The following PITPNM2 variants were observed in gnomAD, a reference collection of about 807,000 sequenced individuals.
PITPNM2 encodes membrane-associated phosphatidylinositol transfer protein 2.
A neutral mutation model predicts 132.2 loss-of-function variants in PITPNM2; 35 were observed. That is an observed-to-expected ratio of 0.26 (90% CI 0.20 to 0.35). The LOEUF is 0.35. Ranked by LOEUF, PITPNM2 falls within the 10% of genes least tolerant of loss-of-function variation. The pLI is 1.00. For synonymous variants in PITPNM2, 738 were observed against 799.2 expected (o/e 0.92, Z 1.29); for missense variants, 1,332 against 1,912.0 (o/e 0.70, Z 5.66).
rs1205898507 is a variant in PITPNM2 at position 123,097,045 on chromosome 12, T to A, written c.-96+13340A>T. Among the ~76,000 whole-genome samples the A allele has an allele frequency of 6.6e-6, 1 of 151,724 alleles. No individual in the cohort carries two copies. The highest frequency in any genetic ancestry group is 2.4e-5 in the African/African-American group (1 of 41,090). ...TTATTATTTATTTATTTATTTATTTTTAATTTATTTTTTTGGTATGGAGTC... is the reference window on the plus strand; with the variant it reads ...TTATTATTTATTTATTTATTTATTTATAATTTATTTTTTTGGTATGGAGTC... On this transcript the variant is annotated intron_variant, in intron 2 of 25. Transcript: ENST00000320201. This position sits in a 1 kb window ranked among gnomAD's most constrained non-coding sequence, Gnocchi z 4.7.
At chr12:123,010,790 T>A (rs1299503557) in intron 5 of PITPNM2, 1 of 154,910 alleles carries the variant, frequency 6.5e-6, no homozygotes, top group Admixed American at 6.5e-5. Flanking sequence ...GATCTGAGGC[T>A]GAGAGGGATG....
intron 2 of PITPNM2, among the ~76,000 whole-genome samples, chr12:123,080,528 C>T (rs908433587): frequency 1.3e-5 from 2 of 152,264 alleles, no homozygotes; most frequent in Non-Finnish European, 2.9e-5. Flanking sequence ...AAGCAATGCT[C>T]CCCATGGGTG....
chr12:123,130,429 C>T (rs1226075109), intron 1 of PITPNM2, among the ~76,000 whole-genome samples: 1 of 152,062 alleles, frequency 6.6e-6, no homozygotes, highest in Non-Finnish European at 1.5e-5. Context: ...GTCATTTGCC[C>T]AAGGCCACCG....
chr12:123,115,370 G>C (rs906040628), intron 1 of PITPNM2, among the ~76,000 whole-genome samples: 6 of 152,170 alleles, frequency 3.9e-5, no homozygotes, highest in African/African-American at 1.4e-4. Flanking sequence ...AGCATTTGCA[G>C]GGCCATTAAA....
intron 13 of PITPNM2, 36 bp from the exon 14 acceptor site, chr12:122,995,696 C>A: frequency 6.5e-7 from 1 of 1,541,672 alleles, no homozygotes; most frequent in Non-Finnish European, 8.7e-7. Flanking sequence ...TGCCAGGTGG[C>A]CGCTGGCCTG....
chr12:123,136,166 G>A (rs1047627432), intron 1 of PITPNM2, among the ~76,000 whole-genome samples: 4 of 151,976 alleles, frequency 2.6e-5, no homozygotes, highest in Admixed American at 6.6e-5. Context: ...GCCAGGTGTG[G>A]TGGCAGTTAC....
Position 123,007,761 on chromosome 12 carries a change from C to G in PITPNM2, c.643+2089G>C, listed in dbSNP as rs546238397. 3.3e-5 allele frequency among the ~76,000 whole-genome samples: 5 copies of G among 152,258 alleles called. No homozygotes were observed. The East Asian group carries it at 9.7e-4, about 29-fold the overall frequency. On this transcript the variant is annotated intron_variant, in intron 6 of 25. Transcript: ENST00000320201. ...GGAAGGGCCGCATCCCTTGCTCTAC[C>G]CTATATAGGGAAATGCCTCCTCCTG...
chr12:123,007,533 G>C (rs953690241), intron 6 of PITPNM2: 4 of 371,290 alleles, frequency 1.1e-5, no homozygotes, highest in Non-Finnish European at 1.6e-5. Flanking sequence ...GGTCTCCTGT[G>C]TACCCTCTTT....
At chr12:123,114,409 C>T (rs576401883) in intron 1 of PITPNM2, among the ~76,000 whole-genome samples, 19 of 151,068 alleles carry the variant, frequency 1.3e-4, no homozygotes, top group African/African-American at 4.4e-4. Context: ...CCAGAGACCG[C>T]CTATACATAT....
intron 1 of PITPNM2, among the ~76,000 whole-genome samples, chr12:123,113,403 T>C (rs778009119): frequency 8.5e-5 from 13 of 152,166 alleles, no homozygotes; most frequent in Non-Finnish European, 1.6e-4. Flanking sequence ...TCACACACCA[T>C]AAAACCCGCC....
intron 3 of PITPNM2, among the ~76,000 whole-genome samples, 192 bp from the exon 4 acceptor site, chr12:123,014,234 C>T (rs1463842543): frequency 1.3e-5 from 2 of 152,234 alleles, no homozygotes; most frequent in South Asian, 2.1e-4. Flanking sequence ...GAAGGGGCCA[C>T]AGACTCCCTC....
chr12:123,092,822 T>C (rs1452215145), intron 2 of PITPNM2: 1 of 152,232 alleles, frequency 6.6e-6, no homozygotes. Flanking sequence ...AGGAAGGACA[T>C]TGCCTCCCTA....
intron 5 of PITPNM2, among the ~76,000 whole-genome samples, chr12:123,011,795 A>AG (rs901899490): frequency 1.3e-5 from 2 of 152,192 alleles, no homozygotes; most frequent in African/African-American, 4.8e-5. Context: ...AGTCTTCCCC[A>AG]GGGGGAAGAA....
In PITPNM2 at chr12:123,082,952, T is replaced by A. The variant is rs2042008129; in HGVS notation, c.-96+27433A>T. 1 of 152,312 alleles carries A rather than the reference T, an allele frequency of 6.6e-6. No individual in the cohort carries two copies. The highest frequency in any genetic ancestry group is 1.5e-5 in the Non-Finnish European group (1 of 68,084). The allele number at this position is 152,312 out of a possible 1,614,324, so 9.4% of individuals were successfully genotyped here. ...TGACAACTCTAGGGACCTCATCATATAATCATGGTAAGTGGAATCATACAG... is the reference window on the plus strand; with the variant it reads ...TGACAACTCTAGGGACCTCATCATAAAATCATGGTAAGTGGAATCATACAG... On this transcript the variant is annotated intron_variant, in intron 2 of 25. Coordinates refer to ENST00000320201, the MANE Select transcript of PITPNM2 (RefSeq NM_020845.3). The surrounding 1 kb of genome is among the most constrained non-coding windows in gnomAD (Gnocchi z 5.4).
intron 1 of PITPNM2, among the ~76,000 whole-genome samples, chr12:123,141,472 T>G (rs1222116721): frequency 6.6e-6 from 1 of 151,904 alleles, no homozygotes; most frequent in East Asian, 1.9e-4. Flanking sequence ...CAAACACAAA[T>G]AGCTAAGATC....
rs1358610299 is a variant in PITPNM2, at chr12:123,117,781, G to A, written c.-199-7293C>T. ...CAATATCTCACTATGACAGACTCTG[G>A]CATGGTCCAATTTCCTCTCCCTAAA... On this transcript the variant is annotated intron_variant, in intron 1 of 25. Transcript: ENST00000320201. This position sits in a 1 kb window ranked among gnomAD's most constrained non-coding sequence, Gnocchi z 4.7. Among the ~76,000 whole-genome samples the A allele has an allele frequency of 6.6e-6, 1 of 152,128 alleles. No homozygotes were observed. Among genetic ancestry groups the A allele is most frequent in the African/African-American group, 2.4e-5 (1 of 41,418 alleles).
In PITPNM2 at chr12:122,993,365, G is replaced by A. The variant is rs1177459730; in HGVS notation, c.2234-696C>T. On this transcript the variant is annotated intron_variant, in intron 15 of 25. Coordinates refer to ENST00000320201, the MANE Select transcript of PITPNM2 (RefSeq NM_020845.3). This position sits in a 1 kb window ranked among gnomAD's most constrained non-coding sequence, Gnocchi z 5.2. ...GCAGCAGTTCCAACCACGTCATGGAGTTAAGGAGATCACGTGAATGCAAGG... is the reference window on the plus strand; with the variant it reads ...GCAGCAGTTCCAACCACGTCATGGAATTAAGGAGATCACGTGAATGCAAGG... Among the ~76,000 whole-genome samples the A allele has an allele frequency of 1.3e-5, 2 of 152,218 alleles. No homozygotes were observed. The highest frequency in any genetic ancestry group is 2.9e-5 in the Non-Finnish European group (2 of 68,048).
In PITPNM2 at chr12:122,984,999, T is replaced by A. The variant is rs1474877333; in HGVS notation, c.*1028A>T. 1.3e-5 allele frequency: 2 copies of A among 152,258 alleles called. No individual in the cohort carries two copies. The highest frequency in any genetic ancestry group is 2.9e-5 in the Non-Finnish European group (2 of 68,016). 9.4% of individuals were successfully genotyped at this position (152,258 alleles called of 1,614,324 possible). A position where few individuals can be genotyped will look rare whatever the true frequency, so the allele number is the denominator to read the frequency against. On this transcript the variant is annotated 3_prime_UTR_variant, in exon 26 of 26. Transcript: ENST00000320201. Reference sequence around the variant, plus strand: ...AATTGGCATTAAAAAAACCGAAGTGTGTGCCCCACCCACCCCAGAGTAGAA... The same window carrying A: ...AATTGGCATTAAAAAAACCGAAGTGAGTGCCCCACCCACCCCAGAGTAGAA...
rs570069037 is a variant in PITPNM2 at position 123,020,659 on chromosome 12, C to T, written c.79-6617G>A. 1.5e-4 allele frequency among the ~76,000 whole-genome samples: 23 copies of T among 152,108 alleles called. 1 individual carries two copies. The South Asian group carries it at 4.0e-3, about 26-fold the overall frequency. ...CTCAGCAGGTAGGCCAGGTACTTAG[C>T]GGCTTTATGAACATGAAATCTTGGT... On this transcript the variant is annotated intron_variant, in intron 3 of 25. Coordinates refer to ENST00000320201, the MANE Select transcript of PITPNM2 (RefSeq NM_020845.3).
Sources: allele counts gnomAD v4.1 joint callset (sites outside exome capture counted in the v4.1 genomes callset), GRCh38; gene constraint gnomAD v4.1.1; non-coding constraint Gnocchi (gnomAD v3.1); transcripts MANE v1.5; gene names NCBI Gene and HGNC (gene_info 2026-07-23, HGNC 2026-07-21).